HSD17B3: variants seen among roughly 807,000 people sequenced by gnomAD.
HSD17B3 encodes 17-beta-hydroxysteroid dehydrogenase type 3.
Under a neutral mutation model 41.1 loss-of-function variants are expected in HSD17B3, and 29 were observed. That is an observed-to-expected ratio of 0.71 (90% CI 0.53 to 0.96). The LOEUF (loss-of-function observed/expected upper bound fraction) is 0.96. Ranked by LOEUF, HSD17B3 falls within the 40% of genes least tolerant of loss-of-function variation. HSD17B3 has a pLI of 0.00. For synonymous variants in HSD17B3, 126 were observed against 145.6 expected, an observed-to-expected ratio of 0.87 and a Z score of 0.97; for missense variants, 323 against 374.6, an observed-to-expected ratio of 0.86 and a Z score of 1.14.
At chr9:96,257,517 T>A (rs1315034092) in intron 2 of HSD17B3, among the ~76,000 whole-genome samples, 1 of 152,206 alleles carries the variant, frequency 6.6e-6, no homozygotes, top group Non-Finnish European at 1.5e-5. Context: ...TTTATTTATT[T>A]TTATCCTATA....
chr9:96,282,992 C>CTTTTTTTTT (rs58397134), intron 2 of HSD17B3, among the ~76,000 whole-genome samples: 2 of 71,700 alleles, frequency 2.8e-5, no homozygotes, highest in African/African-American at 6.6e-5. Flanking sequence ...AGGTTTCTTT[C>CTTTTTTTTT]TTTTTTTTTT....
rs1836406514 is a variant in HSD17B3, at chr9:96,240,746, G to A, written c.822+12C>T. 6.2e-7 allele frequency: 1 copy of A among 1,614,070 alleles called. No homozygotes were observed. Among genetic ancestry groups the A allele is most frequent in the African/African-American group, 1.3e-5 (1 of 75,044 alleles). On this transcript the variant is annotated intron_variant, in intron 10 of 10. Coordinates refer to ENST00000375263, the MANE Select transcript of HSD17B3 (RefSeq NM_000197.2). ...CTCCCTGGCTTCAAGAAAAGGAGAA[G>A]TTATCAATTACCAAGATTTCATGGG...
At chr9:96,251,565 G>A (rs954426252) in intron 4 of HSD17B3, 80 bp from the exon 5 acceptor site, 1 of 1,280,514 alleles carries the variant, frequency 7.8e-7, no homozygotes, top group Admixed American at 1.8e-5. Flanking sequence ...CAAAAAGATT[G>A]ACATGTAAGG....
intron 2 of HSD17B3, among the ~76,000 whole-genome samples, chr9:96,285,778 A>C (rs1279069759): frequency 2.6e-5 from 4 of 152,136 alleles, no homozygotes; most frequent in Non-Finnish European, 5.9e-5. Context: ...CCTAATAGTT[A>C]AGCAGGAATA....
intron 2 of HSD17B3, among the ~76,000 whole-genome samples, chr9:96,295,002 CTTTTTTTTTTTTTTT>C (rs10541572): frequency 1.5e-5 from 1 of 66,166 alleles, no homozygotes; most frequent in Non-Finnish European, 2.8e-5. Context: ...ACACGAGGAG[CTTTTTTTTTTTTTTT>C]TTTTTTTTGA....
intron 2 of HSD17B3, among the ~76,000 whole-genome samples, chr9:96,295,429 G>A (rs906935163): frequency 9.9e-5 from 15 of 151,806 alleles, no homozygotes; most frequent in African/African-American, 3.6e-4. Context: ...CCACCTCCTG[G>A]GTTCAAGCAA....
chr9:96,282,992 C>CTTTTTTTTTTT (rs58397134), intron 2 of HSD17B3, among the ~76,000 whole-genome samples: 1 of 71,700 alleles, frequency 1.4e-5, no homozygotes, highest in Non-Finnish European at 2.7e-5. Flanking sequence ...AGGTTTCTTT[C>CTTTTTTTTTTT]TTTTTTTTTT....
chr9:96,267,292 G>A (rs1826077091), intron 2 of HSD17B3, among the ~76,000 whole-genome samples: 1 of 151,890 alleles, frequency 6.6e-6, no homozygotes, highest in Admixed American at 6.6e-5. Flanking sequence ...GAGTAGCTGG[G>A]ATTACAGACA....
At chr9:96,300,740 A>G (rs1380699578) in intron 1 of HSD17B3, among the ~76,000 whole-genome samples, 1 of 152,126 alleles carries the variant, frequency 6.6e-6, no homozygotes, top group African/African-American at 2.4e-5. Flanking sequence ...CTTCAGTCAT[A>G]GGGCTGAAGT....
At chr9:96,272,373 A>ATCTCTCTCTCTCTCTCTCTC (rs373017603) in intron 2 of HSD17B3, among the ~76,000 whole-genome samples, 123 of 4,412 alleles carry the variant, frequency 0.028, 47 homozygotes, top group Non-Finnish European at 0.046. Context: ...GTAAGACTGC[A>ATCTCTCTCTCTCTCTCTCTC]TCTCTCTCTC....
At chr9:96,251,889 T>C (rs1335807837) in intron 4 of HSD17B3, among the ~76,000 whole-genome samples, 1 of 152,230 alleles carries the variant, frequency 6.6e-6, no homozygotes, top group African/African-American at 2.4e-5. Context: ...TATTAGCCTG[T>C]CTATTCTTTC....
rs1173707208 is a variant in HSD17B3, at chr9:96,240,894, T to C, written c.686A>G (p.Tyr229Cys). The C allele has an allele frequency of 6.2e-7, 1 of 1,614,158 alleles. No homozygotes were observed. The highest frequency in any genetic ancestry group is 1.3e-5 in the African/African-American group (1 of 75,052). Residue 229 changes from tyrosine to cysteine, a missense_variant, in exon 10 of 11, where the codon TAT (tyrosine) becomes TGT (cysteine). Physicochemically the swap from Tyr to Cys is radical, Grantham distance 194. Transcript: ENST00000375263. ...KEVIIQVLTP[Y>C]AVSTAMTKYL... ...CTTTGTCATTGCAGTCGAGACAGCA[T>C]ATGGGGTCAGCACCTACAACGGGAA...
chr9:96,244,784 A>G (rs942169827), intron 8 of HSD17B3, among the ~76,000 whole-genome samples: 2 of 152,176 alleles, frequency 1.3e-5, no homozygotes, highest in African/African-American at 4.8e-5. Context: ...CACAATTTTT[A>G]TTTGTCAAGT....
intron 2 of HSD17B3, among the ~76,000 whole-genome samples, chr9:96,260,116 T>C (rs527415870): frequency 6.6e-6 from 1 of 152,218 alleles, no homozygotes; most frequent in Non-Finnish European, 1.5e-5. Context: ...CTGGTAGATA[T>C]TCTTTATCAA....
chr9:96,256,728 T>C (rs1046586175), intron 2 of HSD17B3, among the ~76,000 whole-genome samples: 42 of 151,940 alleles, frequency 2.8e-4, no homozygotes, highest in African/African-American at 1.0e-3. Context: ...TGAATTGTGG[T>C]CTATAATATA....
At position 96,242,095 on chromosome 9, in the gene HSD17B3, C is replaced by T. The variant is rs576429827; in HGVS notation, c.673-1188G>A. Among the ~76,000 whole-genome samples, 34 of 151,462 alleles carry T rather than the reference C, an allele frequency of 2.2e-4. No homozygotes were observed. In the South Asian group the frequency reaches 5.2e-3, roughly 23 times the overall value. On this transcript the variant is annotated intron_variant, in intron 9 of 10. Coordinates refer to ENST00000375263, the MANE Select transcript of HSD17B3 (RefSeq NM_000197.2). ...TTTCTTCACATCACATTTGGAATTA[C>T]ATTATTTCATAATTGAACCCAATTA...
At chr9:96,258,601 C>A (rs996017411) in intron 2 of HSD17B3, among the ~76,000 whole-genome samples, 18 of 152,172 alleles carry the variant, frequency 1.2e-4, no homozygotes, top group Non-Finnish European at 2.9e-5. Context: ...AAGGAAGCCC[C>A]TACCATTTAT....
intron 2 of HSD17B3, among the ~76,000 whole-genome samples, chr9:96,265,627 T>C (rs1013499675): frequency 6.6e-6 from 1 of 152,032 alleles, no homozygotes; most frequent in African/African-American, 2.4e-5. Flanking sequence ...AAAGTTAAAG[T>C]GAAAAGAAGA....
At chr9:96,247,780 G>A (rs1166426334) in intron 6 of HSD17B3, among the ~76,000 whole-genome samples, 1 of 152,124 alleles carries the variant, frequency 6.6e-6, no homozygotes, top group African/African-American at 2.4e-5. Context: ...AATCTCGTGG[G>A]TCCCCGCCTC....
Sources: gnomAD v4.1 joint callset for allele counts (sites outside exome capture counted in the v4.1 genomes callset) on GRCh38, gnomAD v4.1.1 for gene constraint, MANE v1.5 for transcripts, NCBI Gene and HGNC (gene_info 2026-07-23, HGNC 2026-07-21) for gene names.